The following STARD13 variants were observed in gnomAD, a reference collection of about 807,000 sequenced individuals.
STARD13 encodes stAR-related lipid transfer protein 13.
STARD13 carries 62 observed loss-of-function variants against 106.4 expected under a neutral mutation model. That is an observed-to-expected ratio of 0.58 (90% CI 0.48 to 0.72). STARD13 has a LOEUF of 0.72. Ranked by LOEUF, STARD13 falls within the 30% of genes least tolerant of loss-of-function variation. The probability of loss-of-function intolerance (pLI) is 0.00; values close to 1 mark genes in which losing one functional copy is unlikely to be tolerated. For synonymous variants in STARD13, 565 were observed against 553.0 expected (o/e 1.02, Z -0.31); for missense variants, 1,387 against 1,424.0 (o/e 0.97, Z 0.42).
the STARD13 span, among the ~76,000 whole-genome samples, chr13:33,623,381 CA>C: frequency 1.0e-4 from 8 of 78,470 alleles, no homozygotes; most frequent in Non-Finnish European, 2.0e-4. Flanking sequence ...AGAAAAGACA[CA>C]AAAAGCCCTA....
the STARD13 span, among the ~76,000 whole-genome samples, chr13:33,425,678 T>C: frequency 2.6e-4 from 40 of 152,332 alleles, no homozygotes; most frequent in Non-Finnish European, 4.4e-4. Context: ...TGAGCTTCTC[T>C]GAGACTAGAC....
rs551842475 is a variant in STARD13, at chr13:33,109,768, C to T, written c.3047+105G>A. 233 of 1,046,644 alleles carry T rather than the reference C, an allele frequency of 2.2e-4. 1 individual carries two copies. The African/African-American group carries it at 3.1e-3, about 14-fold the overall frequency. 64.8% of individuals were successfully genotyped at this position (1,046,644 alleles called of 1,614,324 possible). ...AAACAAGAGCCGGCTTAGTGTTCCC[C>T]GTGGAGGCTGGACTTTGGTGGGAGA... On this transcript the variant is annotated intron_variant, in intron 12 of 13. Coordinates refer to ENST00000336934, the MANE Select transcript of STARD13 (RefSeq NM_178006.4).
the STARD13 span, among the ~76,000 whole-genome samples, chr13:33,414,047 A>AAAAAAAAAAAAAAAG: frequency 3.5e-5 from 5 of 143,708 alleles, no homozygotes; most frequent in East Asian, 4.4e-4. Flanking sequence ...AAAAAAAAAA[A>AAAAAAAAAAAAAAAG]AAAGAAAAGA....
At chr13:33,493,232 C>A in the STARD13 span, among the ~76,000 whole-genome samples, 4 of 152,136 alleles carry the variant, frequency 2.6e-5, no homozygotes, top group Non-Finnish European at 5.9e-5. Context: ...AGCCTCCTTG[C>A]GGAACCAAGG....
rs750388909 is a variant in STARD13 at position 33,129,531 on chromosome 13, G to C, written c.1146C>G (p.Ser382Arg). ...GTALPDAGDQ[S>R]RMHEFHSQEN... is the part of the protein sequence containing the mutation. ...CTTGGGAGTGAAATTCATGCATACG[G>C]CTTTGGTCCCCTGCATCCGGCAGTG... The change falls in exon 5 of 14, where the codon AGC becomes AGG. Residue 382 changes from serine to arginine, a missense_variant. Physicochemically the swap from Ser to Arg is moderately radical, Grantham distance 110 (BLOSUM62 -1). Coordinates refer to ENST00000336934, the MANE Select transcript of STARD13 (RefSeq NM_178006.4). The C allele has an allele frequency of 2.5e-6, 4 of 1,614,152 alleles. No homozygotes were observed. The Admixed American group carries it at 6.7e-5, about 27-fold the overall frequency.
intron 1 of STARD13, among the ~76,000 whole-genome samples, chr13:33,329,457 C>A (rs1478341810): frequency 6.6e-6 from 1 of 152,106 alleles, no homozygotes; most frequent in Non-Finnish European, 1.5e-5. Flanking sequence ...CCGCTCCAGG[C>A]AACCACCATC....
chr13:33,290,828 A>G (rs1197420786), intron 1 of STARD13, among the ~76,000 whole-genome samples: 1 of 152,210 alleles, frequency 6.6e-6, no homozygotes, highest in Non-Finnish European at 1.5e-5. Flanking sequence ...TCATTTTCTC[A>G]GTTGTTTCAC....
the STARD13 span, among the ~76,000 whole-genome samples, chr13:33,535,067 T>C: frequency 6.6e-6 from 1 of 151,870 alleles, no homozygotes; most frequent in Admixed American, 6.6e-5. Flanking sequence ...ATACAAAAAT[T>C]AGCCTGGTGT....
the STARD13 span, among the ~76,000 whole-genome samples, chr13:33,519,093 T>A: frequency 6.6e-6 from 1 of 152,142 alleles, no homozygotes; most frequent in African/African-American, 2.4e-5. Flanking sequence ...TCATTATGCA[T>A]CACCAGCCCC....
chr13:33,300,793 C>T (rs1291571442), intron 1 of STARD13, among the ~76,000 whole-genome samples: 1 of 152,188 alleles, frequency 6.6e-6, no homozygotes, highest in African/African-American at 2.4e-5. Flanking sequence ...AAAGGGCCCG[C>T]AGGTCCCTAA....
In STARD13 at chr13:33,285,703, G is replaced by A. The variant is rs2138416305; in HGVS notation, c.-65C>T. 1.3e-6 allele frequency: 2 copies of A among 1,591,004 alleles called. No individual in the cohort carries two copies. The highest frequency in any genetic ancestry group is 1.7e-6 in the Non-Finnish European group (2 of 1,170,814). ...CTGTTGCCGTCTGTCTCCAGTCTCA[G>A]TCAAAGAGCAAGGCACCCAGCCCAG... On this transcript the variant is annotated 5_prime_UTR_variant, in exon 1 of 14. Transcript: ENST00000336934.
At chr13:33,350,571 G>A (rs925454186) in exon 1 of STARD13, 3 of 1,393,512 alleles carry the variant, frequency 2.2e-6, no homozygotes, top group Non-Finnish European at 2.8e-6. Flanking sequence ...GGCGCTGGGA[G>A]GCTGCGCCAC....
intron 1 of STARD13, among the ~76,000 whole-genome samples, chr13:33,261,119 A>G (rs1326139767): frequency 6.6e-6 from 1 of 152,222 alleles, no homozygotes; most frequent in Non-Finnish European, 1.5e-5. Context: ...ATTCATTTGT[A>G]TCTATCTAGG....
chr13:33,353,513 T>C (rs2078099365), upstream of STARD13, among the ~76,000 whole-genome samples: 1 of 152,178 alleles, frequency 6.6e-6, no homozygotes, highest in South Asian at 2.1e-4. Flanking sequence ...CCTGACAGGC[T>C]ATAGATAGAA....
chr13:33,208,178 A>G (rs541470408), intron 1 of STARD13, among the ~76,000 whole-genome samples: 1 of 152,326 alleles, frequency 6.6e-6, no homozygotes, highest in East Asian at 1.9e-4. Flanking sequence ...GTGGTCTGCA[A>G]GGGTACATGA....
the STARD13 span, among the ~76,000 whole-genome samples, chr13:33,458,511 T>A: frequency 6.6e-6 from 1 of 152,156 alleles, no homozygotes; most frequent in Non-Finnish European, 1.5e-5. Context: ...ACTTTTAAGT[T>A]TAGCAATTCT....
Position 33,139,004 on chromosome 13 carries a change from T to C in STARD13, c.387+3306A>G, listed in dbSNP as rs138148417. ...AAGCCTTCATCACCATCATCACCTA[T>C]TTGTGGACTTTTCACATTCTTCCTT... is the stretch of plus-strand genomic sequence containing the variant. On this transcript the variant is annotated intron_variant, in intron 4 of 13. Coordinates refer to ENST00000336934, the MANE Select transcript of STARD13 (RefSeq NM_178006.4). 5.8e-4 allele frequency: 199 copies of C among 341,364 alleles called. 1 individual carries two copies. The highest frequency in any genetic ancestry group is 3.8e-3 in the African/African-American group (176 of 46,100). 21.1% of individuals were successfully genotyped at this position (341,364 alleles called of 1,614,324 possible). A position where few individuals can be genotyped will look rare whatever the true frequency, so the allele number is the denominator to read the frequency against.
chr13:33,566,935 C>T, the STARD13 span, among the ~76,000 whole-genome samples: 1 of 148,142 alleles, frequency 6.8e-6, no homozygotes, highest in Non-Finnish European at 1.5e-5. Context: ...CTTCAGTTTT[C>T]ACTTCTTTCC....
intron 1 of STARD13, among the ~76,000 whole-genome samples, chr13:33,192,238 A>G (rs1414853054): frequency 6.6e-6 from 1 of 152,252 alleles, no homozygotes; most frequent in Non-Finnish European, 1.5e-5. Context: ...CTTACTAAAC[A>G]GGGAATATGC....
Sources: allele counts gnomAD v4.1 joint callset (sites outside exome capture counted in the v4.1 genomes callset), GRCh38; gene constraint gnomAD v4.1.1; transcripts MANE v1.5; gene names NCBI Gene and HGNC (gene_info 2026-07-23, HGNC 2026-07-21).